ASAP2: variants seen among roughly 807,000 people sequenced by gnomAD.
ASAP2 encodes arf-GAP with SH3 domain, ANK repeat and PH domain-containing protein 2.
Under a neutral mutation model 131.4 loss-of-function variants are expected in ASAP2, and 45 were observed. The ratio of observed to expected loss-of-function variants is 0.34; its 90% CI spans 0.27 to 0.44. The LOEUF (loss-of-function observed/expected upper bound fraction) is 0.44. Ranked by LOEUF, ASAP2 falls within the 20% of genes least tolerant of loss-of-function variation. The pLI, the probability that ASAP2 is intolerant of heterozygous loss-of-function variation, is 1.00. For synonymous variants in ASAP2, 510 were observed against 503.0 expected (o/e 1.01, Z -0.19); for missense variants, 1,011 against 1,297.0 (o/e 0.78, Z 3.39).
At chr2:9,275,155 G>A (rs928721579) in intron 1 of ASAP2, among the ~76,000 whole-genome samples, 5 of 150,170 alleles carry the variant, frequency 3.3e-5, no homozygotes, top group Non-Finnish European at 7.4e-5. Flanking sequence ...ATCATGGTTC[G>A]CTGCAGCCTC....
At chr2:9,362,442 C>A (rs1673165215) in intron 15 of ASAP2, among the ~76,000 whole-genome samples, 1 of 152,132 alleles carries the variant, frequency 6.6e-6, no homozygotes, top group Non-Finnish European at 1.5e-5. Flanking sequence ...TAGTGTACAA[C>A]ATGATGTTTT....
At chr2:9,343,333 G>T (rs1257847612) in intron 9 of ASAP2, among the ~76,000 whole-genome samples, 1 of 152,168 alleles carries the variant, frequency 6.6e-6, no homozygotes, top group Non-Finnish European at 1.5e-5. Context: ...TGAACACTTG[G>T]TTCACATCTT....
intron 9 of ASAP2, among the ~76,000 whole-genome samples, chr2:9,343,378 T>C (rs965717792): frequency 6.8e-6 from 1 of 146,196 alleles, no homozygotes; most frequent in East Asian, 2.1e-4. Context: ...CTCAGGGAAA[T>C]AGAATTTCCT....
intron 1 of ASAP2, among the ~76,000 whole-genome samples, chr2:9,236,476 T>C (rs1052169104): frequency 2.0e-5 from 3 of 152,346 alleles, no homozygotes; most frequent in South Asian, 4.1e-4. Context: ...TATTTTGATA[T>C]CTTACTTTTA....
intron 3 of ASAP2, among the ~76,000 whole-genome samples, chr2:9,316,963 ACCC>A (rs199779613): frequency 1.0e-4 from 6 of 58,164 alleles, no homozygotes; most frequent in East Asian, 4.1e-4. Flanking sequence ...CCTCCCACAC[ACCC>A]CCCGTCACAC....
At chr2:9,265,737 G>A (rs577479359) in intron 1 of ASAP2, among the ~76,000 whole-genome samples, 1 of 152,120 alleles carries the variant, frequency 6.6e-6, no homozygotes, top group East Asian at 1.9e-4. Flanking sequence ...GTCTGTGCGT[G>A]TAATGGATTT....
intron 16 of ASAP2, among the ~76,000 whole-genome samples, chr2:9,369,831 C>G (rs973519035): frequency 6.6e-6 from 1 of 152,074 alleles, no homozygotes; most frequent in South Asian, 2.1e-4. Flanking sequence ...TGTATGGACC[C>G]TTTGTAAAGG....
chr2:9,332,814 A>G (rs1368762368), intron 7 of ASAP2, among the ~76,000 whole-genome samples: 1 of 152,268 alleles, frequency 6.6e-6, no homozygotes, highest in East Asian at 1.9e-4. Context: ...AAAGAAAAAC[A>G]CGTAAATAAA....
chr2:9,334,618 G>A (rs1186769776), intron 7 of ASAP2, 120 bp from the exon 8 acceptor site: 6 of 806,780 alleles, frequency 7.4e-6, no homozygotes, highest in East Asian at 2.6e-5. Context: ...TGTTCATACA[G>A]TCTTTTCCCC....
chr2:9,302,565 C>T (rs1668569083), intron 3 of ASAP2, among the ~76,000 whole-genome samples: 1 of 152,090 alleles, frequency 6.6e-6, no homozygotes, highest in Admixed American at 6.5e-5. Flanking sequence ...GCCTCCGCCT[C>T]CCGGGTTCCA....
At position 9,392,088 on chromosome 2, in the gene ASAP2, C is replaced by T. The variant is rs1013474837; in HGVS notation, c.2518+892C>T. On this transcript the variant is annotated intron_variant, in intron 23 of 27. Transcript: ENST00000281419. This position sits in a 1 kb window ranked among gnomAD's most constrained non-coding sequence, Gnocchi z 4.0. ...TTGCCCAGGCTCGAATTCCTGGGCT[C>T]AAGTGATCCACCCGCCTTGTCCTCC... 1.3e-5 allele frequency among the ~76,000 whole-genome samples: 2 copies of T among 152,124 alleles called. No individual in the cohort carries two copies. The highest frequency in any genetic ancestry group is 2.4e-5 in the African/African-American group (1 of 41,430).
intron 1 of ASAP2, among the ~76,000 whole-genome samples, chr2:9,225,952 C>T (rs1391826069): frequency 6.6e-6 from 1 of 152,198 alleles, no homozygotes; most frequent in Non-Finnish European, 1.5e-5. Context: ...CATACCAGGC[C>T]GTGGGTTCTG....
intron 1 of ASAP2, among the ~76,000 whole-genome samples, chr2:9,235,039 G>A (rs1051910889): frequency 6.6e-6 from 1 of 152,048 alleles, no homozygotes; most frequent in African/African-American, 2.4e-5. Context: ...TGCTTGCTCT[G>A]CCTCTCACCT....
intron 3 of ASAP2, among the ~76,000 whole-genome samples, chr2:9,316,214 C>T (rs1034547207): frequency 9.9e-5 from 15 of 151,874 alleles, no homozygotes; most frequent in African/African-American, 3.6e-4. Context: ...CCCAGCTACT[C>T]AGGAGGCTAA....
chr2:9,258,236 C>T (rs1429519490), intron 1 of ASAP2, among the ~76,000 whole-genome samples: 3 of 117,224 alleles, frequency 2.6e-5, no homozygotes, highest in Admixed American at 8.5e-5. Context: ...CAGAGCGATA[C>T]TTCATCTCAA....
rs1237229530 is a variant in ASAP2 at position 9,311,322 on chromosome 2, C to G, written c.346-7202C>G. On this transcript the variant is annotated intron_variant, in intron 3 of 27. Coordinates refer to ENST00000281419, the MANE Select transcript of ASAP2 (RefSeq NM_003887.3). This position sits in a 1 kb window ranked among gnomAD's most constrained non-coding sequence, Gnocchi z 5.2. ...CAGAGGTGGGAGGATCACTGGAGCC[C>G]CACTGTGCTCCATCCTGGGTGAGAG... 6.6e-6 allele frequency among the ~76,000 whole-genome samples: 1 copy of G among 151,790 alleles called. No individual in the cohort carries two copies. The highest frequency in any genetic ancestry group is 1.5e-5 in the Non-Finnish European group (1 of 67,946).
At chr2:9,229,105 C>T (rs1662971579) in intron 1 of ASAP2, among the ~76,000 whole-genome samples, 1 of 152,058 alleles carries the variant, frequency 6.6e-6, no homozygotes, top group African/African-American at 2.4e-5. Flanking sequence ...GGCAGAGAAG[C>T]GGAGTTTTAG....
At chr2:9,264,769 G>A (rs1665826778) in intron 1 of ASAP2, among the ~76,000 whole-genome samples, 1 of 151,962 alleles carries the variant, frequency 6.6e-6, no homozygotes, top group Non-Finnish European at 1.5e-5. Context: ...GCATCCTCGT[G>A]TTCAGTCACA....
At chr2:9,369,126 C>A (rs1029622926) in intron 16 of ASAP2, among the ~76,000 whole-genome samples, 1 of 151,640 alleles carries the variant, frequency 6.6e-6, no homozygotes, top group African/African-American at 2.4e-5. Context: ...TCAAGCGATT[C>A]TTCTGCCTCA....
Sources: gnomAD v4.1 joint callset for allele counts (sites outside exome capture counted in the v4.1 genomes callset) on GRCh38, gnomAD v4.1.1 for gene constraint, Gnocchi (gnomAD v3.1) non-coding constraint, MANE v1.5 for transcripts, NCBI Gene and HGNC (gene_info 2026-07-23, HGNC 2026-07-21) for gene names.